AGBL4: variants seen among roughly 807,000 people sequenced by gnomAD.
The protein encoded by AGBL4 is AGBL carboxypeptidase 4.
Under a neutral mutation model 66.4 loss-of-function variants are expected in AGBL4, and 58 were observed. The ratio of observed to expected loss-of-function variants is 0.87; its 90% confidence interval spans 0.71 to 1.09. The LOEUF (loss-of-function observed/expected upper bound fraction) is 1.09, where lower values mean the gene tolerates loss of function less well. Ranked by LOEUF, AGBL4 falls within the 50% of genes least tolerant of loss-of-function variation. The probability of loss-of-function intolerance (pLI) is 0.00; values close to 1 mark genes in which losing one functional copy is unlikely to be tolerated. For synonymous variants in AGBL4, 234 were observed against 222.9 expected (o/e 1.05, Z -0.44); for missense variants, 579 against 631.0 (o/e 0.92, Z 0.88).
intron 6 of AGBL4, among the ~76,000 whole-genome samples, chr1:48,773,156 C>T (rs1332195293): frequency 6.6e-6 from 1 of 152,122 alleles, no homozygotes; most frequent in African/African-American, 2.4e-5. Flanking sequence ...AAAAATTCAG[C>T]ACACTCAAAC....
At chr1:48,641,709 T>C (rs888976976) in intron 8 of AGBL4, among the ~76,000 whole-genome samples, 6 of 152,096 alleles carry the variant, frequency 3.9e-5, no homozygotes, top group South Asian at 2.1e-4. Flanking sequence ...ACTGTATAAA[T>C]AGAGGCTCAG....
At chr1:49,230,168 A>G (rs1650203156) in intron 4 of AGBL4, among the ~76,000 whole-genome samples, 1 of 152,138 alleles carries the variant, frequency 6.6e-6, no homozygotes, top group Non-Finnish European at 1.5e-5. Flanking sequence ...AGTCCCAGAC[A>G]TGGTTCTGTC....
At chr1:49,291,551 G>A (rs936493885) in intron 3 of AGBL4, among the ~76,000 whole-genome samples, 43 of 152,168 alleles carry the variant, frequency 2.8e-4, no homozygotes, top group African/African-American at 8.7e-4. Context: ...CCATATACAA[G>A]AGTATATCTG....
intron 12 of AGBL4, among the ~76,000 whole-genome samples, chr1:48,535,548 A>G (rs192318100): frequency 2.9e-4 from 44 of 152,188 alleles, no homozygotes; most frequent in Admixed American, 1.2e-3. Flanking sequence ...CTAGAAATGA[A>G]CTTTCTGTCT....
chr1:49,936,121 C>A (rs1653981276), intron 1 of AGBL4, among the ~76,000 whole-genome samples: 1 of 152,068 alleles, frequency 6.6e-6, no homozygotes, highest in African/African-American at 2.4e-5. Context: ...ACTAGAATAA[C>A]CAATATACAG....
intron 5 of AGBL4, among the ~76,000 whole-genome samples, chr1:48,928,483 C>T (rs74668990): frequency 1.9e-4 from 29 of 152,134 alleles, no homozygotes; most frequent in Admixed American, 3.3e-4. Flanking sequence ...AATTTCATAA[C>T]GATTTAGTTA....
chr1:49,594,746 T>G (rs1035655141), intron 3 of AGBL4, among the ~76,000 whole-genome samples: 3 of 152,212 alleles, frequency 2.0e-5, no homozygotes, highest in African/African-American at 7.2e-5. Flanking sequence ...TGTGCCACAT[T>G]TTCTTTATCT....
At chr1:49,192,407 G>A (rs1011109658) in intron 4 of AGBL4, among the ~76,000 whole-genome samples, 4 of 152,018 alleles carry the variant, frequency 2.6e-5, no homozygotes, top group East Asian at 1.9e-4. Context: ...CAAGTGATTC[G>A]CCTGCCTCAG....
chr1:48,867,270 C>G (rs570383076), intron 5 of AGBL4, 40 bp from the exon 6 acceptor site: 3 of 1,609,658 alleles, frequency 1.9e-6, no homozygotes, highest in South Asian at 2.2e-5. Flanking sequence ...TGATTTGAGC[C>G]AGAGCCAAAA....
chr1:49,920,791 C>T (rs954029871), intron 1 of AGBL4, among the ~76,000 whole-genome samples: 8 of 152,096 alleles, frequency 5.3e-5, no homozygotes, highest in African/African-American at 9.7e-5. Flanking sequence ...CACATGCACA[C>T]GTATGTTTAT....
At chr1:49,762,473 C>T (rs1163451186) in intron 2 of AGBL4, among the ~76,000 whole-genome samples, 2 of 151,040 alleles carry the variant, frequency 1.3e-5, no homozygotes, top group African/African-American at 4.9e-5. Flanking sequence ...AGTGCAGTGC[C>T]GCGATCTTGG....
intron 5 of AGBL4, among the ~76,000 whole-genome samples, chr1:48,935,707 C>G (rs1443002942): frequency 6.6e-6 from 1 of 151,618 alleles, no homozygotes; most frequent in Non-Finnish European, 1.5e-5. Context: ...CCTGTAATCT[C>G]AGCACTTTGG....
chr1:48,608,278 A>G (rs933959054), intron 9 of AGBL4, among the ~76,000 whole-genome samples: 48 of 152,212 alleles, frequency 3.2e-4, no homozygotes, highest in African/African-American at 1.1e-3. Flanking sequence ...TCAAGTCTTC[A>G]GAAGAGGCCT....
intron 6 of AGBL4, among the ~76,000 whole-genome samples, chr1:48,717,352 C>T (rs1647069010): frequency 6.6e-6 from 1 of 152,204 alleles, no homozygotes; most frequent in African/African-American, 2.4e-5. Flanking sequence ...ATAGGTTTTG[C>T]ACATTTAAAA....
chr1:48,987,367 A>G (rs1387886687), intron 5 of AGBL4, among the ~76,000 whole-genome samples: 3 of 152,110 alleles, frequency 2.0e-5, no homozygotes, highest in Non-Finnish European at 2.9e-5. Context: ...TGAAGTGGCC[A>G]TATTAATATC....
intron 8 of AGBL4, among the ~76,000 whole-genome samples, chr1:48,644,464 G>A (rs528491496): frequency 9.2e-5 from 14 of 152,300 alleles, no homozygotes; most frequent in Non-Finnish European, 1.8e-4. Flanking sequence ...GGGCAGCGCG[G>A]GGGCCAAGCC....
chr1:49,073,073 G>A (rs1041985724), intron 4 of AGBL4, among the ~76,000 whole-genome samples: 2 of 152,014 alleles, frequency 1.3e-5, no homozygotes, highest in Non-Finnish European at 2.9e-5. Context: ...CAAGGTTCTC[G>A]TGCTACGTTT....
At chr1:49,232,048 G>C (rs545486648) in intron 4 of AGBL4, among the ~76,000 whole-genome samples, 1 of 152,172 alleles carries the variant, frequency 6.6e-6, no homozygotes, top group African/African-American at 2.4e-5. Context: ...TTATCAGATT[G>C]TAACCCCATC....
At chr1:49,746,945 A>C (rs1386510494) in intron 2 of AGBL4, among the ~76,000 whole-genome samples, 1 of 152,126 alleles carries the variant, frequency 6.6e-6, no homozygotes, top group Non-Finnish European at 1.5e-5. Flanking sequence ...AGATACTTAC[A>C]AGTAGGAGCA....
Sources: gnomAD v4.1 joint callset for allele counts (sites outside exome capture counted in the v4.1 genomes callset) on GRCh38, gnomAD v4.1.1 for gene constraint, MANE v1.5 for transcripts, NCBI Gene and HGNC (gene_info 2026-07-23, HGNC 2026-07-21) for gene names.